Variants in GSTCD observed in about 807,000 individuals in gnomAD.
GSTCD encodes glutathione S-transferase C-terminal domain containing.
In GSTCD, 44 loss-of-function variants were observed where a neutral mutation model predicts 68.3. The ratio of observed to expected loss-of-function variants is 0.64; its 90% CI spans 0.51 to 0.83. GSTCD has a LOEUF of 0.83. GSTCD is among the 40% of genes least tolerant of loss of function. The probability of loss-of-function intolerance (pLI) is 0.00; values close to 1 mark genes in which losing one functional copy is unlikely to be tolerated. For missense variants in GSTCD, 739 were observed against 735.9 expected (o/e 1.00, Z -0.05); for synonymous variants, 273 against 255.2 (o/e 1.07, Z -0.67).
At chr4:105,790,533 C>G (rs1223867328) in intron 5 of GSTCD, among the ~76,000 whole-genome samples, 1 of 151,900 alleles carries the variant, frequency 6.6e-6, no homozygotes, top group Non-Finnish European at 1.5e-5. Context: ...CCCAGCTACT[C>G]AGGAGGCTGA....
At chr4:105,715,478 G>A (rs1193763731) in intron 1 of GSTCD, among the ~76,000 whole-genome samples, 3 of 151,882 alleles carry the variant, frequency 2.0e-5, no homozygotes, top group Non-Finnish European at 4.4e-5. Context: ...CTTTTAAGAA[G>A]TAACAAATCA....
rs184848867 is a variant in GSTCD at position 105,723,006 on chromosome 4, C to T, written c.894+3479C>T. On this transcript the variant is annotated intron_variant, in intron 3 of 11. Transcript: ENST00000515279. ...CCTGGCATGTTGATAAATGGAGTGACCTGTCAGAGTAAACCTCCTCAATTT... is the reference window on the plus strand; with the variant it reads ...CCTGGCATGTTGATAAATGGAGTGATCTGTCAGAGTAAACCTCCTCAATTT... Among the ~76,000 whole-genome samples, 601 of 151,940 alleles carry T rather than the reference C, an allele frequency of 4.0e-3. 6 individuals are homozygous for T. The highest frequency in any genetic ancestry group is 4.0e-3 in the Non-Finnish European group (270 of 67,828).
intron 1 of GSTCD, 134 bp from the exon 2 acceptor site, chr4:105,717,459 A>T: frequency 1.8e-6 from 1 of 566,966 alleles, no homozygotes; most frequent in Non-Finnish European, 3.0e-6. Flanking sequence ...GTCTTCAGAA[A>T]CAAACCTTAT....
intron 5 of GSTCD, among the ~76,000 whole-genome samples, chr4:105,731,078 C>A (rs553072331): frequency 2.0e-5 from 3 of 152,180 alleles, no homozygotes; most frequent in African/African-American, 7.2e-5. Context: ...CTGTTCTGTT[C>A]CATTGGTCTA....
chr4:105,833,726 C>T (rs1045519055), intron 8 of GSTCD, among the ~76,000 whole-genome samples: 5 of 141,106 alleles, frequency 3.5e-5, no homozygotes, highest in African/African-American at 8.6e-5. Context: ...ATAATTATCT[C>T]ATTTGTAGTA....
At chr4:105,810,532 A>G (rs1263578587) in intron 5 of GSTCD, among the ~76,000 whole-genome samples, 3 of 152,116 alleles carry the variant, frequency 2.0e-5, no homozygotes, top group African/African-American at 7.2e-5. Flanking sequence ...TTAAATTTTA[A>G]GCATTATCTT....
rs546424567 is a variant in GSTCD, at chr4:105,780,287, G to A, written c.1241-42667G>A. On this transcript the variant is annotated intron_variant, in intron 5 of 11. Transcript: ENST00000515279. The stretch of plus-strand genomic sequence containing the variant: ...TAGGGAATTTGAACTGAGATTTCAG[G>A]CTAGGGAAGCGCTGTCTCACAATAT... Among the ~76,000 whole-genome samples the A allele has an allele frequency of 5.3e-5, 8 of 152,262 alleles. No individual in the cohort carries two copies. In the South Asian group the frequency reaches 1.5e-3, roughly 28 times the overall value.
chr4:105,711,826 T>C lies in GSTCD; in HGVS notation c.-22+2810T>C, dbSNP rs184219022. Among the ~76,000 whole-genome samples the C allele has an allele frequency of 5.6e-4, 85 of 152,346 alleles. 1 individual carries two copies. The highest frequency in any genetic ancestry group is 2.9e-3 in the Admixed American group (44 of 15,308). ...TTTATAAATATTCTTGCTAGGCACA[T>C]GTATGGAATCTAGTTAAGATTCTTA... On this transcript the variant is annotated intron_variant, in intron 1 of 11. Coordinates refer to ENST00000515279, the MANE Select transcript of GSTCD (RefSeq NM_001370181.1).
At chr4:105,816,376 A>T (rs1484362360) in intron 5 of GSTCD, among the ~76,000 whole-genome samples, 1 of 152,138 alleles carries the variant, frequency 6.6e-6, no homozygotes, top group Non-Finnish European at 1.5e-5. Context: ...AAAATCAAAA[A>T]GGTTGCTACA....
rs542799035 is a variant in GSTCD, at chr4:105,787,082, AT to A, written c.1241-35871del. ...ATGTGATGTATCCATCAACAGTAAT[AT>A]ATTTATGTAATTTACATATGCTGAG... is the stretch of plus-strand genomic sequence containing the variant. On this transcript the variant is annotated intron_variant, in intron 5 of 11. Transcript: ENST00000515279. Among the ~76,000 whole-genome samples, 653 of 152,224 alleles carry A rather than the reference AT, an allele frequency of 4.3e-3. 14 individuals carry two copies. The highest frequency in any genetic ancestry group is 0.015 in the African/African-American group (615 of 41,458).
At chr4:105,785,411 A>G (rs1735428680) in intron 5 of GSTCD, among the ~76,000 whole-genome samples, 1 of 152,200 alleles carries the variant, frequency 6.6e-6, no homozygotes, top group Non-Finnish European at 1.5e-5. Context: ...AGGTTGATAT[A>G]GCATCCAAAA....
chr4:105,743,161 A>G (rs999278839), intron 5 of GSTCD, among the ~76,000 whole-genome samples: 7 of 152,074 alleles, frequency 4.6e-5, no homozygotes, highest in Non-Finnish European at 1.0e-4. Context: ...CATGTTAGCC[A>G]GGATGGTCTC....
intron 5 of GSTCD, among the ~76,000 whole-genome samples, chr4:105,793,138 A>G (rs1735738446): frequency 6.6e-6 from 1 of 152,044 alleles, no homozygotes; most frequent in South Asian, 2.1e-4. Flanking sequence ...GCTAGCCTTT[A>G]TAAGTGTTAT....
intron 5 of GSTCD, among the ~76,000 whole-genome samples, chr4:105,767,963 G>A (rs1734685951): frequency 1.3e-5 from 2 of 151,064 alleles, no homozygotes; most frequent in South Asian, 4.2e-4. Context: ...CTAGTTTTTT[G>A]CCTTTTTCTT....
chr4:105,825,860 T>C, intron 8 of GSTCD, 60 bp downstream of exon 8: 1 of 1,001,084 alleles, frequency 1.0e-6, no homozygotes, highest in Non-Finnish European at 1.5e-6. Flanking sequence ...TTACATGCCT[T>C]AGAGTAAATA....
intron 1 of GSTCD, among the ~76,000 whole-genome samples, chr4:105,709,912 A>G (rs1249640409): frequency 2.0e-5 from 3 of 152,216 alleles, no homozygotes; most frequent in Admixed American, 6.6e-5. Context: ...ATAAACTGTT[A>G]TAACACAACT....
chr4:105,785,166 A>T (rs1735417992), intron 5 of GSTCD, among the ~76,000 whole-genome samples: 1 of 152,224 alleles, frequency 6.6e-6, no homozygotes, highest in Non-Finnish European at 1.5e-5. Flanking sequence ...GAACAGTAAG[A>T]AACCTGAGAA....
intron 5 of GSTCD, among the ~76,000 whole-genome samples, chr4:105,810,187 G>A (rs548310434): frequency 3.3e-4 from 50 of 152,186 alleles, no homozygotes; most frequent in Admixed American, 1.0e-3. Flanking sequence ...CTAGCCACAT[G>A]TTTATAAGAT....
At chr4:105,743,972 C>A (rs1733723216) in intron 5 of GSTCD, among the ~76,000 whole-genome samples, 1 of 152,116 alleles carries the variant, frequency 6.6e-6, no homozygotes. Context: ...ACAGGACATT[C>A]TTTTACATCG....
Sources: gnomAD v4.1 joint callset for allele counts (sites outside exome capture counted in the v4.1 genomes callset) on GRCh38, gnomAD v4.1.1 for gene constraint, MANE v1.5 for transcripts, NCBI Gene and HGNC (gene_info 2026-07-23, HGNC 2026-07-21) for gene names.